The following ROBO2 variants were observed in gnomAD, a reference collection of about 807,000 sequenced individuals.
ROBO2 encodes roundabout homolog 2.
In ROBO2, 53 loss-of-function variants were observed where a neutral mutation model predicts 160.8. The observed-to-expected ratio is 0.33, with a 90% confidence interval of 0.26 to 0.41. The LOEUF is 0.41. Among genes scored for constraint, ROBO2 ranks in the 10% least tolerant of loss-of-function variants. The pLI is 1.00. For synonymous variants in ROBO2, 664 were observed against 611.7 expected, an observed-to-expected ratio of 1.09 and a Z score of -1.26; for missense variants, 1,577 against 1,722.4, an observed-to-expected ratio of 0.92 and a Z score of 1.49.
At chr3:76,386,367 C>T (rs888788501) in intron 2 of ROBO2, among the ~76,000 whole-genome samples, 2 of 135,492 alleles carry the variant, frequency 1.5e-5, no homozygotes, top group Admixed American at 1.5e-4. Context: ...CCCTTCCTTC[C>T]TCCCCTCCTT....
intron 1 of ROBO2, among the ~76,000 whole-genome samples, chr3:75,907,529 T>C (rs559895505): frequency 6.9e-4 from 105 of 152,340 alleles, no homozygotes; most frequent in African/African-American, 2.4e-3. Flanking sequence ...CTAGACAGCC[T>C]GTGAGATGTG....
chr3:77,347,945 C>T (rs1009247935), intron 2 of ROBO2, among the ~76,000 whole-genome samples: 58 of 152,036 alleles, frequency 3.8e-4, no homozygotes, highest in African/African-American at 1.3e-3. Flanking sequence ...ATTTCACTAC[C>T]GTCTCTAGCT....
At position 77,642,061 on chromosome 3, in the gene ROBO2, T is replaced by C. The variant is rs929791877; in HGVS notation, c.3935-2643T>C. On this transcript the variant is annotated intron_variant, in intron 24 of 25. Coordinates refer to ENST00000461745, the Ensembl canonical transcript of ROBO2. ...ACATCGGAAGATTGTAATATATTAG[T>C]TGTAACTCATTAGCTAACTCATGAA... Among the ~76,000 whole-genome samples the C allele has an allele frequency of 7.2e-5, 11 of 152,310 alleles. No homozygotes were observed. The East Asian group carries it at 2.1e-3, about 29-fold the overall frequency.
At chr3:76,116,105 T>G (rs1216453369) in intron 2 of ROBO2, among the ~76,000 whole-genome samples, 1 of 152,152 alleles carries the variant, frequency 6.6e-6, no homozygotes, top group African/African-American at 2.4e-5. Flanking sequence ...AGCTGACAGC[T>G]TTTATTAAAA....
intron 2 of ROBO2, among the ~76,000 whole-genome samples, chr3:76,889,107 T>G (rs948722561): frequency 2.0e-5 from 3 of 152,202 alleles, no homozygotes; most frequent in African/African-American, 7.2e-5. Context: ...ATAGCTGTGC[T>G]GCCAGGTCTT....
intron 2 of ROBO2, among the ~76,000 whole-genome samples, chr3:76,485,793 G>A (rs2079462411): frequency 2.6e-5 from 4 of 152,102 alleles, no homozygotes; most frequent in South Asian, 4.1e-4. Context: ...TTGCTTTGGT[G>A]TGCCCTCTGT....
intron 2 of ROBO2, among the ~76,000 whole-genome samples, chr3:77,347,134 G>A (rs940720077): frequency 6.6e-6 from 1 of 152,058 alleles, no homozygotes. Flanking sequence ...CTCAGGAGAA[G>A]TTCCATTTAA....
intron 2 of ROBO2, among the ~76,000 whole-genome samples, chr3:76,990,424 G>A (rs1426171132): frequency 6.6e-6 from 1 of 152,060 alleles, no homozygotes; most frequent in African/African-American, 2.4e-5. Flanking sequence ...ACATATTAAA[G>A]TTAGTAAATA....
intron 2 of ROBO2, among the ~76,000 whole-genome samples, chr3:77,413,163 A>T (rs992695472): frequency 1.3e-5 from 2 of 152,082 alleles, no homozygotes; most frequent in African/African-American, 4.8e-5. Context: ...TTTGGGAAGT[A>T]GATATATAAT....
chr3:76,509,927 A>T (rs2080992646), intron 2 of ROBO2, among the ~76,000 whole-genome samples: 1 of 135,370 alleles, frequency 7.4e-6, no homozygotes, highest in Admixed American at 7.4e-5. Context: ...CAATCAAAAT[A>T]CAGGCTCACA....
chr3:76,998,088 G>T (rs768836392), intron 2 of ROBO2, among the ~76,000 whole-genome samples: 1 of 152,080 alleles, frequency 6.6e-6, no homozygotes, highest in Non-Finnish European at 1.5e-5. Flanking sequence ...CAGAATCCAG[G>T]GTGGAGAGAA....
At chr3:76,310,234 CAT>C (rs2071514208) in intron 2 of ROBO2, among the ~76,000 whole-genome samples, 2 of 152,202 alleles carry the variant, frequency 1.3e-5, no homozygotes, top group African/African-American at 2.4e-5. Flanking sequence ...TCTGCATAAA[CAT>C]AGTCGCAAAA....
intron 2 of ROBO2, among the ~76,000 whole-genome samples, chr3:76,507,731 T>C (rs1480286761): frequency 6.6e-6 from 1 of 152,074 alleles, no homozygotes; most frequent in Non-Finnish European, 1.5e-5. Context: ...TTTTACTTAG[T>C]GTAGATTAAC....
At chr3:76,216,461 G>A (rs1703538031) in intron 2 of ROBO2, among the ~76,000 whole-genome samples, 1 of 152,152 alleles carries the variant, frequency 6.6e-6, no homozygotes, top group Non-Finnish European at 1.5e-5. Context: ...AGGGATGGAG[G>A]AAGATCTACC....
chr3:76,826,383 G>A (rs1389729545), intron 2 of ROBO2, among the ~76,000 whole-genome samples: 4 of 152,112 alleles, frequency 2.6e-5, no homozygotes, highest in Non-Finnish European at 5.9e-5. Context: ...AGATATGGTT[G>A]TAGTAGTCAT....
chr3:76,865,627 T>G (rs2071287234), intron 2 of ROBO2, among the ~76,000 whole-genome samples: 1 of 152,114 alleles, frequency 6.6e-6, no homozygotes, highest in Non-Finnish European at 1.5e-5. Context: ...TACACTGACC[T>G]CACCATTTAT....
At chr3:77,492,784 C>T (rs1440991811) in intron 4 of ROBO2, among the ~76,000 whole-genome samples, 1 of 152,052 alleles carries the variant, frequency 6.6e-6, no homozygotes, top group Non-Finnish European at 1.5e-5. Context: ...TGTGAAAGTA[C>T]ACATTTTTTG....
At chr3:77,313,030 A>C (rs1167850792) in intron 2 of ROBO2, among the ~76,000 whole-genome samples, 1 of 152,234 alleles carries the variant, frequency 6.6e-6, no homozygotes, top group Non-Finnish European at 1.5e-5. Context: ...AGTTGCATCC[A>C]TAAAAGAAAA....
At chr3:76,626,129 T>G (rs1478690108) in intron 2 of ROBO2, among the ~76,000 whole-genome samples, 1 of 152,096 alleles carries the variant, frequency 6.6e-6, no homozygotes, top group Non-Finnish European at 1.5e-5. Flanking sequence ...AATTCCAAAG[T>G]TTTTGTTTCA....
Sources: gnomAD v4.1 joint callset for allele counts (sites outside exome capture counted in the v4.1 genomes callset) on GRCh38, gnomAD v4.1.1 for gene constraint, MANE v1.5 for transcripts, NCBI Gene and HGNC (gene_info 2026-07-23, HGNC 2026-07-21) for gene names.